Variants in KCNAB1 observed in about 807,000 individuals in gnomAD.
KCNAB1 encodes potassium voltage-gated channel subfamily A regulatory beta subunit 1.
In KCNAB1, 35 loss-of-function variants were observed where a neutral mutation model predicts 64.6. The ratio of observed to expected loss-of-function variants is 0.54; its 90% CI spans 0.41 to 0.72. KCNAB1 has a LOEUF of 0.72. Ranked by LOEUF, KCNAB1 falls within the 30% of genes least tolerant of loss-of-function variation. The probability of loss-of-function intolerance (pLI) is 0.00; values close to 1 mark genes in which losing one functional copy is unlikely to be tolerated. For missense variants in KCNAB1, 401 were observed against 512.9 expected (o/e 0.78, Z 2.11); for synonymous variants, 177 against 183.8 (o/e 0.96, Z 0.30).
intron 8 of KCNAB1, among the ~76,000 whole-genome samples, chr3:156,503,105 T>C (rs1246169212): frequency 6.6e-6 from 1 of 152,250 alleles, no homozygotes; most frequent in East Asian, 1.9e-4. Flanking sequence ...ATAACCTCTT[T>C]AATTACTACC....
At chr3:156,344,202 A>G (rs553115803) in intron 1 of KCNAB1, among the ~76,000 whole-genome samples, 21 of 152,292 alleles carry the variant, frequency 1.4e-4, no homozygotes, top group African/African-American at 5.1e-4. Context: ...TAAAGGATCT[A>G]TTAGGATTAT....
chr3:156,231,382 A>C (rs1716511794), intron 1 of KCNAB1, among the ~76,000 whole-genome samples: 1 of 152,036 alleles, frequency 6.6e-6, no homozygotes, highest in African/African-American at 2.4e-5. Flanking sequence ...AAAATGTTTT[A>C]CCCCAAAATA....
chr3:156,217,111 C>T (rs962453698), intron 1 of KCNAB1: 1 of 152,160 alleles, frequency 6.6e-6, no homozygotes, highest in Admixed American at 6.5e-5. Context: ...CAGCATTTTA[C>T]ACCCAAGGTA....
intron 1 of KCNAB1, among the ~76,000 whole-genome samples, chr3:156,126,710 C>T (rs1481700864): frequency 6.6e-6 from 1 of 152,170 alleles, no homozygotes; most frequent in Non-Finnish European, 1.5e-5. Context: ...GATCCTGGAG[C>T]TAGGCTGCTG....
chr3:156,200,007 G>T (rs534638694), intron 1 of KCNAB1, among the ~76,000 whole-genome samples: 1 of 152,274 alleles, frequency 6.6e-6, no homozygotes, highest in African/African-American at 2.4e-5. Flanking sequence ...GGGTTTTTGA[G>T]TGGGCATCAT....
chr3:156,376,706 G>A (rs904395665), intron 1 of KCNAB1, among the ~76,000 whole-genome samples: 3 of 152,236 alleles, frequency 2.0e-5, no homozygotes, highest in Non-Finnish European at 4.4e-5. Flanking sequence ...AAAGAAAAGG[G>A]AGAATCTGCG....
chr3:156,517,132 C>G (rs1717614923), intron 11 of KCNAB1, among the ~76,000 whole-genome samples: 1 of 152,198 alleles, frequency 6.6e-6, no homozygotes, highest in Non-Finnish European at 1.5e-5. Context: ...TTTAAAAAAT[C>G]AGATAAACCG....
intron 11 of KCNAB1, among the ~76,000 whole-genome samples, chr3:156,517,889 C>T (rs1040354890): frequency 6.6e-6 from 1 of 152,186 alleles, no homozygotes; most frequent in African/African-American, 2.4e-5. Context: ...ACCATAAACT[C>T]GTAACAGAAA....
intron 8 of KCNAB1, among the ~76,000 whole-genome samples, chr3:156,490,421 A>G (rs1479681267): frequency 6.6e-6 from 1 of 152,128 alleles, no homozygotes; most frequent in Non-Finnish European, 1.5e-5. Context: ...GCTCAAATAA[A>G]TAGAAAAAAG....
intron 1 of KCNAB1, among the ~76,000 whole-genome samples, chr3:156,217,774 A>G (rs1310570623): frequency 6.6e-6 from 1 of 152,218 alleles, no homozygotes; most frequent in African/African-American, 2.4e-5. Flanking sequence ...GCTGGTCATA[A>G]TGTCCCATTT....
chr3:156,275,744 T>G (rs1174006092), intron 1 of KCNAB1, among the ~76,000 whole-genome samples: 1 of 152,208 alleles, frequency 6.6e-6, no homozygotes, highest in African/African-American at 2.4e-5. Context: ...TGACCATGAG[T>G]TGCATCAATT....
At chr3:156,517,350 G>A (rs1019732626) in intron 11 of KCNAB1, among the ~76,000 whole-genome samples, 4 of 152,146 alleles carry the variant, frequency 2.6e-5, no homozygotes, top group Admixed American at 2.0e-4. Flanking sequence ...GCTTTTGCTT[G>A]TTTGTTCTCT....
intron 8 of KCNAB1, among the ~76,000 whole-genome samples, chr3:156,478,463 C>A (rs780265693): frequency 6.6e-6 from 1 of 152,068 alleles, no homozygotes; most frequent in Non-Finnish European, 1.5e-5. Context: ...GGGGACGTAG[C>A]ACTTTCAAAT....
chr3:156,364,010 C>T (rs532301773), intron 1 of KCNAB1, among the ~76,000 whole-genome samples: 1 of 152,286 alleles, frequency 6.6e-6, no homozygotes, highest in South Asian at 2.1e-4. Context: ...AATTGAACAA[C>T]CTTTATTTCC....
At chr3:156,234,408 A>G (rs2108439731) in intron 1 of KCNAB1, among the ~76,000 whole-genome samples, 1 of 152,324 alleles carries the variant, frequency 6.6e-6, no homozygotes, top group African/African-American at 2.4e-5. Flanking sequence ...GAGCCAGAAC[A>G]TAAGCAGAAG....
intron 1 of KCNAB1, among the ~76,000 whole-genome samples, chr3:156,266,750 T>C (rs918947449): frequency 2.6e-5 from 4 of 152,220 alleles, no homozygotes; most frequent in African/African-American, 2.4e-5. Flanking sequence ...AGTTACACAG[T>C]GATGTGACTT....
At chr3:156,203,244 A>T (rs1453191707) in intron 1 of KCNAB1, among the ~76,000 whole-genome samples, 1 of 152,226 alleles carries the variant, frequency 6.6e-6, no homozygotes, top group Non-Finnish European at 1.5e-5. Context: ...GTTGCAATAG[A>T]GATTGTATGG....
intron 5 of KCNAB1, among the ~76,000 whole-genome samples, chr3:156,460,923 T>A (rs1240253080): frequency 1.3e-5 from 2 of 152,232 alleles, no homozygotes; most frequent in Non-Finnish European, 2.9e-5. Flanking sequence ...TAGAGGGCCC[T>A]GTGGAAACAG....
At chr3:156,271,065 C>G (rs573527037) in intron 1 of KCNAB1, among the ~76,000 whole-genome samples, 274 of 152,290 alleles carry the variant, frequency 1.8e-3, no homozygotes, top group African/African-American at 6.4e-3. Context: ...CATATTGGAG[C>G]TCCATTATAT....
Sources: gnomAD v4.1 joint callset for allele counts (sites outside exome capture counted in the v4.1 genomes callset) on GRCh38, gnomAD v4.1.1 for gene constraint, MANE v1.5 for transcripts, NCBI Gene and HGNC (gene_info 2026-07-23, HGNC 2026-07-21) for gene names.